ZRANB3: variants seen among roughly 807,000 people sequenced by gnomAD.
ZRANB3 encodes DNA annealing helicase and endonuclease ZRANB3.
In ZRANB3, 125 loss-of-function variants were observed where a neutral mutation model predicts 133.8. That is an observed-to-expected ratio of 0.93 (90% CI 0.81 to 1.08). ZRANB3 has a LOEUF of 1.08. Among genes scored for constraint, ZRANB3 ranks in the 50% least tolerant of loss-of-function variants. The pLI is 0.00. For missense variants in ZRANB3, 1,229 were observed against 1,275.5 expected (o/e 0.96, Z 0.56); for synonymous variants, 387 against 432.7 (o/e 0.89, Z 1.31).
intron 2 of ZRANB3, among the ~76,000 whole-genome samples, chr2:135,463,260 T>C (rs1436553651): frequency 1.3e-5 from 2 of 152,176 alleles, no homozygotes; most frequent in African/African-American, 4.8e-5. Context: ...TGGTAACTGT[T>C]GAAGCTTGTG....
chr2:135,237,286 A>C (rs1280677165), intron 12 of ZRANB3, among the ~76,000 whole-genome samples: 5 of 149,364 alleles, frequency 3.3e-5, no homozygotes, highest in Non-Finnish European at 7.5e-5. Context: ...AAAAGTCAGG[A>C]AACAACAGGT....
At chr2:135,406,342 C>G (rs972665420) in intron 2 of ZRANB3, among the ~76,000 whole-genome samples, 4 of 152,052 alleles carry the variant, frequency 2.6e-5, no homozygotes, top group African/African-American at 9.7e-5. Context: ...AGTTTACCAA[C>G]CAAAAAAAGC....
At chr2:135,211,598 CT>C in intron 17 of ZRANB3, among the ~76,000 whole-genome samples, 1 of 152,200 alleles carries the variant, frequency 6.6e-6, no homozygotes, top group South Asian at 2.1e-4. Flanking sequence ...TTCATTATAC[CT>C]TTTATTTTTA....
intron 6 of ZRANB3, among the ~76,000 whole-genome samples, chr2:135,317,699 T>C (rs898091787): frequency 6.6e-6 from 1 of 152,154 alleles, no homozygotes; most frequent in Non-Finnish European, 1.5e-5. Flanking sequence ...TCTGTAACAG[T>C]GAGGATTTCC....
chr2:135,283,589 C>A (rs1209347133), intron 8 of ZRANB3, among the ~76,000 whole-genome samples: 1 of 150,758 alleles, frequency 6.6e-6, no homozygotes, highest in East Asian at 1.9e-4. Flanking sequence ...TGCACTCCAG[C>A]CTGGTGACAG....
At chr2:135,360,398 A>G (rs1469992016) in intron 3 of ZRANB3, among the ~76,000 whole-genome samples, 1 of 151,520 alleles carries the variant, frequency 6.6e-6, no homozygotes, top group Non-Finnish European at 1.5e-5. Context: ...AAAGAAATGA[A>G]TAAATAGATA....
chr2:135,275,130 G>A (rs1680732230), intron 9 of ZRANB3, among the ~76,000 whole-genome samples: 1 of 152,206 alleles, frequency 6.6e-6, no homozygotes, highest in African/African-American at 2.4e-5. Context: ...TTCTCAATGA[G>A]CTGTTGGGTA....
At chr2:135,428,798 A>G (rs542604823) in intron 2 of ZRANB3, among the ~76,000 whole-genome samples, 2 of 152,330 alleles carry the variant, frequency 1.3e-5, no homozygotes, top group East Asian at 3.9e-4. Flanking sequence ...CAACATCACT[A>G]ATTATTAAAG....
intron 12 of ZRANB3, among the ~76,000 whole-genome samples, chr2:135,246,590 T>C (rs1181874653): frequency 1.3e-5 from 2 of 152,228 alleles, no homozygotes; most frequent in Admixed American, 1.3e-4. Context: ...GATCTAAGCC[T>C]ATAGTAATTT....
At chr2:135,378,692 A>G (rs1005228555) in intron 3 of ZRANB3, among the ~76,000 whole-genome samples, 5 of 152,210 alleles carry the variant, frequency 3.3e-5, no homozygotes, top group Admixed American at 3.3e-4. Context: ...TATTGATAGT[A>G]TGCATACTTT....
intron 18 of ZRANB3, among the ~76,000 whole-genome samples, chr2:135,208,178 C>G (rs952181217): frequency 2.6e-5 from 4 of 152,038 alleles, no homozygotes; most frequent in Non-Finnish European, 5.9e-5. Flanking sequence ...AAAACCCCAA[C>G]CAAAGCTTAG....
At chr2:135,381,031 C>T (rs571401121) in intron 3 of ZRANB3, among the ~76,000 whole-genome samples, 134 of 152,152 alleles carry the variant, frequency 8.8e-4, no homozygotes, top group South Asian at 2.3e-3. Context: ...GTGCATTGAG[C>T]GTGAGCCTAA....
At chr2:135,206,421 G>T (rs1024722227) in intron 19 of ZRANB3, among the ~76,000 whole-genome samples, 49 of 151,880 alleles carry the variant, frequency 3.2e-4, no homozygotes, top group African/African-American at 1.1e-3. Flanking sequence ...TATACTTTTA[G>T]TAGAGATGGG....
At chr2:135,439,822 A>G (rs940689456) in intron 2 of ZRANB3, among the ~76,000 whole-genome samples, 1 of 152,238 alleles carries the variant, frequency 6.6e-6, no homozygotes, top group Admixed American at 6.5e-5. Flanking sequence ...AAGTGATTTT[A>G]ATGTGCAACG....
At chr2:135,526,158 T>A (rs1470933531) in intron 1 of ZRANB3, among the ~76,000 whole-genome samples, 1 of 101,686 alleles carries the variant, frequency 9.8e-6, no homozygotes, top group East Asian at 2.3e-4. Flanking sequence ...TAAGCTATGA[T>A]TTTTTTTTTT....
At chr2:135,259,484 T>C (rs887883247) in intron 12 of ZRANB3, among the ~76,000 whole-genome samples, 6 of 152,192 alleles carry the variant, frequency 3.9e-5, no homozygotes, top group Non-Finnish European at 5.9e-5. Flanking sequence ...ATGCAATCAA[T>C]TTCAGCTCAG....
intron 3 of ZRANB3, among the ~76,000 whole-genome samples, chr2:135,367,521 T>C (rs1685993384): frequency 6.6e-6 from 1 of 152,016 alleles, no homozygotes; most frequent in Non-Finnish European, 1.5e-5. Flanking sequence ...TGAGAGTGCG[T>C]ACATGAACAA....
intron 6 of ZRANB3, among the ~76,000 whole-genome samples, chr2:135,343,250 T>C (rs1684778523): frequency 6.7e-6 from 1 of 148,412 alleles, no homozygotes; most frequent in South Asian, 2.1e-4. Flanking sequence ...TTCCAGCACA[T>C]ATAGAGATGA....
At chr2:135,502,114 C>T (rs570521636) in intron 2 of ZRANB3, among the ~76,000 whole-genome samples, 1 of 152,152 alleles carries the variant, frequency 6.6e-6, no homozygotes, top group Admixed American at 6.5e-5. Context: ...ATTTTTAAAT[C>T]CTGAAATTAT....
Sources: gnomAD v4.1 joint callset for allele counts (sites outside exome capture counted in the v4.1 genomes callset) on GRCh38, gnomAD v4.1.1 for gene constraint, MANE v1.5 for transcripts, NCBI Gene and HGNC (gene_info 2026-07-23, HGNC 2026-07-21) for gene names.